The following F11R variants were observed in gnomAD, a reference collection of about 807,000 sequenced individuals.
The protein encoded by F11R is F11 receptor.
A neutral mutation model predicts 39.3 loss-of-function variants in F11R; 27 were observed. The ratio of observed to expected loss-of-function variants is 0.69; its 90% CI spans 0.51 to 0.95. The LOEUF is 0.95. Ranked by LOEUF, F11R falls within the 40% of genes least tolerant of loss-of-function variation. The pLI is 0.00. For missense variants in F11R, 335 were observed against 372.7 expected, an observed-to-expected ratio of 0.90 and a Z score of 0.83; for synonymous variants, 131 against 144.9, an observed-to-expected ratio of 0.90 and a Z score of 0.69.
chr1:161,007,622 C>A (rs1367266865), intron 1 of F11R, among the ~76,000 whole-genome samples: 1 of 152,184 alleles, frequency 6.6e-6, no homozygotes, highest in Non-Finnish European at 1.5e-5. Flanking sequence ...GCTAAACAAG[C>A]TAATACTGTA....
At chr1:161,020,980 C>T in intron 1 of F11R, 30 bp downstream of exon 1, 1 of 1,611,496 alleles carries the variant, frequency 6.2e-7, no homozygotes, top group Non-Finnish European at 8.5e-7. Context: ...ACCCGACCAA[C>T]CGATTCCTCC....
intron 1 of F11R, among the ~76,000 whole-genome samples, chr1:161,014,991 T>C (rs1649371725): frequency 6.8e-6 from 1 of 147,404 alleles, no homozygotes; most frequent in South Asian, 2.1e-4. Context: ...GGCAGGAGAA[T>C]GGCGTGAACC....
intron 1 of F11R, among the ~76,000 whole-genome samples, chr1:161,014,369 G>A (rs1480622187): frequency 2.6e-5 from 4 of 152,180 alleles, no homozygotes; most frequent in African/African-American, 9.6e-5. Flanking sequence ...CTGACTTGGA[G>A]GGGGGTGGGA....
intron 1 of F11R, among the ~76,000 whole-genome samples, chr1:161,014,028 T>C (rs1649311699): frequency 6.6e-6 from 1 of 152,246 alleles, no homozygotes; most frequent in South Asian, 2.1e-4. Context: ...AGATGAACTC[T>C]GGGTTCTCAA....
intron 1 of F11R, among the ~76,000 whole-genome samples, chr1:161,017,917 G>A: frequency 6.6e-6 from 1 of 152,120 alleles, no homozygotes; most frequent in Admixed American, 6.6e-5. Context: ...CCAGAAGCAG[G>A]GCAGCAGTTC....
chr1:161,009,318 T>C lies in F11R; in HGVS notation c.65-7965A>G, dbSNP rs1446582116. 3.3e-5 allele frequency among the ~76,000 whole-genome samples: 5 copies of C among 152,136 alleles called. 1 individual carries two copies. Among genetic ancestry groups the C allele is most frequent in the African/African-American group, 1.2e-4 (5 of 41,418 alleles). ...CATCTGTGTACAAGCATGTCTCCCA[T>C]GGTAAACCCCAAGTGAAAAGGGACC... On this transcript the variant is annotated intron_variant, in intron 1 of 9. Transcript: ENST00000368026.
At chr1:161,014,148 A>C (rs916219537) in intron 1 of F11R, among the ~76,000 whole-genome samples, 2 of 152,232 alleles carry the variant, frequency 1.3e-5, no homozygotes, top group Non-Finnish European at 2.9e-5. Context: ...TGTTGGACGC[A>C]AGGTCATCCA....
chr1:161,001,105 G>C lies in F11R; in HGVS notation c.156C>G (p.Tyr52Ter), dbSNP rs766537380. ...CCACACGGGGAGAAGAAAAGCCCGA[G>C]TAGGCACAGGACAACTTCACAGCTG... ...ENNPVKLSCA[Y>*]SGFSSPRVEW... Residue 52 changes from tyrosine to a stop codon, truncating the protein, a stop_gained, in exon 3 of 10, where the codon TAC (tyrosine) becomes TAG (stop). Transcript: ENST00000368026. LOFTEE classifies it high-confidence loss of function. 1.2e-6 allele frequency: 2 copies of C among 1,614,158 alleles called. No homozygotes were observed. The highest frequency in any genetic ancestry group is 1.1e-5 in the South Asian group (1 of 91,072).
rs148001843 is a variant in F11R at position 161,011,629 on chromosome 1, G to A, written c.64+9381C>T. On this transcript the variant is annotated intron_variant, in intron 1 of 9. Coordinates refer to ENST00000368026, the MANE Select transcript of F11R (RefSeq NM_016946.6). The stretch of plus-strand genomic sequence containing the variant: ...ACCTGTAATCCCAGCTACTTGGGAG[G>A]CTGAGGCAGAGAATTGCTGGAGCCC... Among the ~76,000 whole-genome samples, 727 of 152,014 alleles carry A rather than the reference G, an allele frequency of 4.8e-3. 4 individuals are homozygous for A. Among genetic ancestry groups the A allele is most frequent in the African/African-American group, 0.016 (667 of 41,430 alleles).
In F11R at chr1:161,000,299, C is replaced by T. The variant is rs72712862; in HGVS notation, c.438G>A (p.Gly146=). 9.4e-3 allele frequency: 15,223 copies of T among 1,614,114 alleles called. 84 individuals are homozygous for T. Among genetic ancestry groups the T allele is most frequent in the Non-Finnish European group, 0.011 (12,794 of 1,180,022 alleles). Residue 146 remains glycine, a synonymous_variant, in exon 5 of 10, where the codon GGG becomes GGA. Transcript: ENST00000368026. The part of the protein sequence containing the change: ...TVNIPSSATI[G]NRAVLTCSEQ... ...CTGAGCATGTCAGCACTGCCCGGTTCCCAATGGTGGCAGAGGAGGGGATGT... is the reference window on the plus strand; with the variant it reads ...CTGAGCATGTCAGCACTGCCCGGTTTCCAATGGTGGCAGAGGAGGGGATGT...
chr1:161,016,525 C>T (rs3124234), intron 1 of F11R, among the ~76,000 whole-genome samples: 4,237 of 151,968 alleles, frequency 0.028, 190 homozygotes, highest in African/African-American at 0.095. Flanking sequence ...GGCGTGGTGG[C>T]GCGTGCCTGT....
chr1:161,011,833 T>C (rs1243709128), intron 1 of F11R, among the ~76,000 whole-genome samples: 1 of 152,208 alleles, frequency 6.6e-6, no homozygotes, highest in Admixed American at 6.5e-5. Flanking sequence ...TATCTCTAGA[T>C]AATAGAATTA....
chr1:161,007,037 G>A (rs548066966), intron 1 of F11R, among the ~76,000 whole-genome samples: 2 of 152,242 alleles, frequency 1.3e-5, no homozygotes, highest in Non-Finnish European at 1.5e-5. Flanking sequence ...CGGGTGTGGT[G>A]GCACATGCCT....
chr1:161,001,971 A>T (rs570009947), intron 1 of F11R, among the ~76,000 whole-genome samples: 46 of 152,248 alleles, frequency 3.0e-4, no homozygotes, highest in Non-Finnish European at 5.3e-4. Context: ...TGTGCCTAAG[A>T]TCACACAGCT....
In F11R at chr1:161,021,117, GA is replaced by G; in HGVS notation, c.-45del. 1 of 1,558,168 alleles carries G rather than the reference GA, an allele frequency of 6.4e-7. No individual in the cohort carries two copies. On this transcript the variant is annotated 5_prime_UTR_variant, in exon 1 of 10. Coordinates refer to ENST00000368026, the MANE Select transcript of F11R (RefSeq NM_016946.6). ...ACAACAGCCGCCGAAGGACTCCTGG[GA>G]ACAGACACAGCTCCGCGACTACAGC... is the stretch of plus-strand genomic sequence containing the variant.
rs1225295270 is a variant in F11R, at chr1:160,996,153, C to A, written c.*2718G>T. The A allele has an allele frequency of 1.5e-4, 23 of 152,312 alleles. No homozygotes were observed. The highest frequency in any genetic ancestry group is 1.5e-3 in the Admixed American group (23 of 15,274). 9.4% of individuals were successfully genotyped at this position (152,312 alleles called of 1,614,324 possible). On this transcript the variant is annotated 3_prime_UTR_variant, in exon 10 of 10. Coordinates refer to ENST00000368026, the MANE Select transcript of F11R (RefSeq NM_016946.6). ...TTGAATGTCCAATCACTCTAGGAGT[C>A]CCAATTCTCTTAAGGTAAGAACTTC...
rs1243558579 is a variant in F11R at position 160,996,256 on chromosome 1, A to G, written c.*2615T>C. ...TTGACATTTTAAAGTGAATGCAGAC[A>G]AGGTGTTTTCCAGTTCAAAAGGTCC... On this transcript the variant is annotated 3_prime_UTR_variant, in exon 10 of 10. Coordinates refer to ENST00000368026, the MANE Select transcript of F11R (RefSeq NM_016946.6). The G allele has an allele frequency of 6.6e-6, 1 of 152,354 alleles. No homozygotes were observed. The highest frequency in any genetic ancestry group is 6.5e-5 in the Admixed American group (1 of 15,276). 9.4% of individuals were successfully genotyped at this position (152,354 alleles called of 1,614,324 possible).
At chr1:160,998,985 GA>G (rs1477594825) in intron 9 of F11R, 57 bp downstream of exon 9, 1 of 1,613,626 alleles carries the variant, frequency 6.2e-7, no homozygotes, top group Admixed American at 1.7e-5. Context: ...ACATGGGCTA[GA>G]AATCTCCTCA....
At chr1:161,009,511 T>C (rs988823594) in intron 1 of F11R, among the ~76,000 whole-genome samples, 3 of 151,634 alleles carry the variant, frequency 2.0e-5, no homozygotes, top group Admixed American at 6.6e-5. Context: ...TGAACGCCTA[T>C]AACACTGAGG....
Sources: allele counts gnomAD v4.1 joint callset (sites outside exome capture counted in the v4.1 genomes callset), GRCh38; gene constraint gnomAD v4.1.1; transcripts MANE v1.5; gene names NCBI Gene and HGNC (gene_info 2026-07-23, HGNC 2026-07-21).